Variants in EXT2 observed in about 807,000 individuals in gnomAD.
The protein encoded by EXT2 is exostosin-2.
A neutral mutation model predicts 81.6 loss-of-function variants in EXT2; 53 were observed. The ratio of observed to expected loss-of-function variants is 0.65; its 90% CI spans 0.52 to 0.82. EXT2 has a LOEUF of 0.82. EXT2 is among the 40% of genes least tolerant of loss of function. EXT2 has a pLI of 0.00. For synonymous variants in EXT2, 320 were observed against 340.0 expected (o/e 0.94, Z 0.65); for missense variants, 774 against 910.2 (o/e 0.85, Z 1.93).
In EXT2 at chr11:44,169,931, A is replaced by G. The variant is rs1216800381; in HGVS notation, c.1174-1680A>G. On this transcript the variant is annotated intron_variant, in intron 7 of 13. Coordinates refer to ENST00000533608, the MANE Select transcript of EXT2 (RefSeq NM_207122.2). The stretch of plus-strand genomic sequence containing the variant: ...ATATTTATAAACTTGAAATACTTAC[A>G]TATATATGTATATAAATATACACAC... Among the ~76,000 whole-genome samples, 3 of 152,272 alleles carry G rather than the reference A, an allele frequency of 2.0e-5. No homozygotes were observed. In the East Asian group the frequency reaches 5.8e-4, roughly 29 times the overall value.
intron 1 of EXT2, among the ~76,000 whole-genome samples, chr11:44,101,140 G>A (rs1251459336): frequency 6.6e-6 from 1 of 152,210 alleles, no homozygotes; most frequent in East Asian, 1.9e-4. Context: ...TAAGGGTGTT[G>A]GACCAAAGGT....
In EXT2 at chr11:44,250,484, C is replaced by T. The variant is rs1337398171; in HGVS notation, c.*6197C>T. ...GTTTACCAGATTGTACCTGGTGATGCTGGCAGCCAGCCCTCTTCCGGCCCC... is the reference window on the plus strand; with the variant it reads ...GTTTACCAGATTGTACCTGGTGATGTTGGCAGCCAGCCCTCTTCCGGCCCC... On this transcript the variant is annotated 3_prime_UTR_variant, in exon 14 of 14. Coordinates refer to ENST00000533608, the MANE Select transcript of EXT2 (RefSeq NM_207122.2). Among the ~76,000 whole-genome samples, 1 of 152,218 alleles carries T rather than the reference C, an allele frequency of 6.6e-6. No individual in the cohort carries two copies. The highest frequency in any genetic ancestry group is 1.5e-5 in the Non-Finnish European group (1 of 68,038).
rs2134984241 is a variant in EXT2 at position 44,114,196 on chromosome 11, C to T, written c.638C>T (p.Ala213Val). 1.2e-6 allele frequency: 2 copies of T among 1,614,052 alleles called. No individual in the cohort carries two copies. The highest frequency in any genetic ancestry group is 1.1e-5 in the South Asian group (1 of 91,080). ...TACTTTGCTTTCAGGGCCCTGTTGG[C>T]TGGTGGCGGCTTTTCTACGTGGACT... ...LDVPRDRALL[A>V]GGGFSTWTYR... is the part of the protein sequence containing the mutation. The change falls in exon 4 of 14, where the codon GCT becomes GTT. Residue 213 changes from alanine to valine, a missense_variant. By Grantham distance (64) the Ala-to-Val change is moderately conservative. Coordinates refer to ENST00000533608, the MANE Select transcript of EXT2 (RefSeq NM_207122.2).
intron 7 of EXT2, among the ~76,000 whole-genome samples, chr11:44,158,822 C>G (rs543284176): frequency 1.8e-3 from 279 of 151,862 alleles, no homozygotes; most frequent in African/African-American, 6.4e-3. Flanking sequence ...ATCTTTATTT[C>G]TCCTTCACTT....
At chr11:44,118,019 A>G (rs966824832) in intron 4 of EXT2, among the ~76,000 whole-genome samples, 4 of 152,312 alleles carry the variant, frequency 2.6e-5, no homozygotes, top group Non-Finnish European at 2.9e-5. Flanking sequence ...TTGCATTTTA[A>G]TTAACTATTT....
chr11:44,117,260 CA>C (rs1954235642), intron 4 of EXT2, among the ~76,000 whole-genome samples: 1 of 152,190 alleles, frequency 6.6e-6, no homozygotes. Flanking sequence ...TGAGCCACCG[CA>C]CCCGGCCTCA....
At chr11:44,165,887 A>G (rs1157208467) in intron 7 of EXT2, among the ~76,000 whole-genome samples, 3 of 152,172 alleles carry the variant, frequency 2.0e-5, no homozygotes, top group South Asian at 4.1e-4. Flanking sequence ...AATGGGGTAG[A>G]AAAAAGGTCT....
intron 7 of EXT2, among the ~76,000 whole-genome samples, chr11:44,146,975 AT>A (rs1954726643): frequency 6.6e-6 from 1 of 152,182 alleles, no homozygotes; most frequent in Admixed American, 6.5e-5. Flanking sequence ...AAGATGGTTG[AT>A]TTGGGGGATG....
At chr11:44,172,114 C>A (rs1955083615) in intron 8 of EXT2, among the ~76,000 whole-genome samples, 1 of 152,188 alleles carries the variant, frequency 6.6e-6, no homozygotes, top group Non-Finnish European at 1.5e-5. Context: ...ATTTTGAGTG[C>A]TTACTCTGCC....
intron 3 of EXT2, among the ~76,000 whole-genome samples, chr11:44,113,862 A>G (rs1359742571): frequency 6.6e-6 from 1 of 152,162 alleles, no homozygotes; most frequent in Non-Finnish European, 1.5e-5. Context: ...TTTATAAAGT[A>G]TGACTAGGGA....
At chr11:44,184,750 C>G (rs1391453291) in intron 8 of EXT2, among the ~76,000 whole-genome samples, 2 of 151,940 alleles carry the variant, frequency 1.3e-5, no homozygotes, top group Non-Finnish European at 2.9e-5. Flanking sequence ...GACTCCGTCT[C>G]AAAATAATAA....
chr11:44,161,888 C>T (rs1954932845), intron 7 of EXT2, among the ~76,000 whole-genome samples: 1 of 152,030 alleles, frequency 6.6e-6, no homozygotes, highest in South Asian at 2.1e-4. Context: ...TCGGATAAAC[C>T]CAAATTGAGG....
intron 4 of EXT2, among the ~76,000 whole-genome samples, chr11:44,120,647 A>G (rs1954302849): frequency 6.6e-6 from 1 of 152,248 alleles, no homozygotes. Flanking sequence ...TTGCTGTTTA[A>G]GGGAATTCCC....
rs528168867 is a variant in EXT2 at position 44,169,479 on chromosome 11, TAAA to T, written c.1174-2129_1174-2127del. The stretch of plus-strand genomic sequence containing the variant: ...GAAGAACAAAAATGTGGAATAATAA[TAAA>T]AATTTTTTGATCAATTCTAAAGGTG... On this transcript the variant is annotated intron_variant, in intron 7 of 13. Transcript: ENST00000533608. Among the ~76,000 whole-genome samples, 40 of 152,012 alleles carry T rather than the reference TAAA, an allele frequency of 2.6e-4. 2 individuals carry two copies. Among genetic ancestry groups the T allele is most frequent in the Middle Eastern group, 6.8e-3 (2 of 294 alleles).
chr11:44,244,361 G>A lies in EXT2; in HGVS notation c.*74G>A, dbSNP rs1956074022. ...GAACAAGGCCTCCCAGCACTCTGAT[G>A]TCAGAGTAGTAGGTTAAGGGTGGAA... On this transcript the variant is annotated 3_prime_UTR_variant, in exon 14 of 14. Transcript: ENST00000533608. The A allele has an allele frequency of 6.6e-7, 1 of 1,514,728 alleles. No homozygotes were observed. The highest frequency in any genetic ancestry group is 9.2e-7 in the Non-Finnish European group (1 of 1,090,656). 93.8% of individuals were successfully genotyped at this position (1,514,728 alleles called of 1,614,324 possible).
intron 1 of EXT2, chr11:44,104,688 A>G (rs1445381855): frequency 6.6e-6 from 1 of 152,266 alleles, no homozygotes; most frequent in Non-Finnish European, 1.5e-5. Flanking sequence ...AACATGGGCC[A>G]GCGGAGGGCA....
intron 7 of EXT2, among the ~76,000 whole-genome samples, chr11:44,149,592 A>G (rs1954766055): frequency 6.6e-6 from 1 of 152,198 alleles, no homozygotes; most frequent in African/African-American, 2.4e-5. Flanking sequence ...TGAGTACACT[A>G]TTTTGATATC....
intron 8 of EXT2, among the ~76,000 whole-genome samples, chr11:44,190,260 T>C (rs914328718): frequency 5.3e-5 from 8 of 152,234 alleles, no homozygotes; most frequent in Non-Finnish European, 1.2e-4. Context: ...AAACACATCA[T>C]GCATAATTGG....
In EXT2 at chr11:44,197,470, G is replaced by A. The variant is rs371374302; in HGVS notation, c.1306-359G>A. Among the ~76,000 whole-genome samples, 5 of 152,190 alleles carry A rather than the reference G, an allele frequency of 3.3e-5. No individual in the cohort carries two copies. In the East Asian group the frequency reaches 7.7e-4, roughly 24 times the overall value. On this transcript the variant is annotated intron_variant, in intron 8 of 13. Transcript: ENST00000533608. ...AAATATCGTAATAGGCCCATCAGCT[G>A]TTGTCTCTTCTCCCATCTCTTTGTC...
Sources: allele counts gnomAD v4.1 joint callset (sites outside exome capture counted in the v4.1 genomes callset), GRCh38; gene constraint gnomAD v4.1.1; transcripts MANE v1.5; gene names NCBI Gene and HGNC (gene_info 2026-07-23, HGNC 2026-07-21).